Variants in ATG7 observed in about 807,000 individuals in gnomAD.
ATG7 encodes autophagy related 7.
ATG7 carries 70 observed loss-of-function variants against 82.4 expected under a neutral mutation model. That is an observed-to-expected ratio of 0.85 (90% CI 0.70 to 1.04). ATG7 has a LOEUF of 1.04. ATG7 is among the 50% of genes least tolerant of loss of function. ATG7 has a pLI of 0.00. For synonymous variants in ATG7, 287 were observed against 313.0 expected, an observed-to-expected ratio of 0.92 and a Z score of 0.88; for missense variants, 792 against 864.3, an observed-to-expected ratio of 0.92 and a Z score of 1.05.
chr3:11,525,193 G>A (rs1224812525), intron 20 of ATG7, among the ~76,000 whole-genome samples: 1 of 151,240 alleles, frequency 6.6e-6, no homozygotes, highest in Non-Finnish European at 1.5e-5. Context: ...ACCACACCCA[G>A]CTAATTTTTT....
At chr3:11,517,346 AAAAAAG>A (rs1199212543) in intron 20 of ATG7, among the ~76,000 whole-genome samples, 25 of 149,332 alleles carry the variant, frequency 1.7e-4, no homozygotes, top group African/African-American at 4.6e-4. Context: ...CCTCAAAAAA[AAAAAAG>A]AAAAGAAAAG....
At chr3:11,334,834 T>C (rs958833168) in intron 11 of ATG7, among the ~76,000 whole-genome samples, 31 of 151,546 alleles carry the variant, frequency 2.0e-4, no homozygotes, top group Admixed American at 5.3e-4. Context: ...GGCGGGCGTC[T>C]GTAATCCCAG....
chr3:11,375,826 G>A (rs2077378319), intron 18 of ATG7, among the ~76,000 whole-genome samples: 1 of 152,214 alleles, frequency 6.6e-6, no homozygotes, highest in African/African-American at 2.4e-5. Context: ...CCAAAGTGCT[G>A]GGATTCAGGC....
chr3:11,546,503 C>T (rs776423577), intron 20 of ATG7, among the ~76,000 whole-genome samples: 17 of 152,140 alleles, frequency 1.1e-4, no homozygotes, highest in Non-Finnish European at 1.8e-4. Flanking sequence ...AACAAATGAA[C>T]GCTTTTAACG....
At chr3:11,523,867 C>A (rs1279304529) in intron 20 of ATG7, among the ~76,000 whole-genome samples, 1 of 152,136 alleles carries the variant, frequency 6.6e-6, no homozygotes, top group Non-Finnish European at 1.5e-5. Flanking sequence ...GGAAAGCGGA[C>A]CTGGACTGGA....
chr3:11,378,843 T>C (rs1305463018), intron 18 of ATG7, among the ~76,000 whole-genome samples: 10 of 151,908 alleles, frequency 6.6e-5, no homozygotes. Context: ...TTTAAATAGT[T>C]TGTCAAATTG....
the ATG7 span, among the ~76,000 whole-genome samples, chr3:11,569,763 T>A: frequency 6.6e-6 from 1 of 152,138 alleles, no homozygotes; most frequent in Non-Finnish European, 1.5e-5. Context: ...GCACCTGTGG[T>A]CCCAGCTACT....
At chr3:11,564,406 C>CCG in the ATG7 span, among the ~76,000 whole-genome samples, 1 of 11,338 alleles carries the variant, frequency 8.8e-5, no homozygotes, top group Admixed American at 1.3e-3. Flanking sequence ...AAACGTAGGA[C>CCG]CCCCCCACCC....
At chr3:11,421,675 G>A (rs567817565) in intron 19 of ATG7, among the ~76,000 whole-genome samples, 8 of 152,234 alleles carry the variant, frequency 5.3e-5, no homozygotes, top group South Asian at 4.2e-4. Flanking sequence ...ACGAATACTC[G>A]TATCTAGAAT....
intron 19 of ATG7, among the ~76,000 whole-genome samples, chr3:11,405,929 A>G (rs954271720): frequency 1.3e-5 from 2 of 152,076 alleles, no homozygotes; most frequent in Non-Finnish European, 2.9e-5. Flanking sequence ...GCACCTGGCC[A>G]TGTGTAGCAT....
intron 12 of ATG7, 23 bp from the exon 13 acceptor site, chr3:11,342,112 T>G: frequency 6.3e-7 from 1 of 1,599,730 alleles, no homozygotes; most frequent in Non-Finnish European, 8.5e-7. Flanking sequence ...AGTGACTGAA[T>G]AAGTAAATCT....
In ATG7 at chr3:11,452,960, G is replaced by A. The variant is rs144329287; in HGVS notation, c.2079+26034G>A. Among the ~76,000 whole-genome samples the A allele has an allele frequency of 4.8e-3, 738 of 152,224 alleles. 6 individuals carry two copies. Among genetic ancestry groups the A allele is most frequent in the African/African-American group, 0.017 (707 of 41,536 alleles). ...AGTGCACGATTCCGTGGGCTGTAGC[G>A]AGCACAGTAGCAGTCCATTGGGCCC... On this transcript the variant is annotated intron_variant, in intron 20 of 20. Coordinates refer to ENST00000693202, the MANE Select transcript of ATG7 (RefSeq NM_001349232.2).
At chr3:11,287,356 A>G (rs936836337) in intron 3 of ATG7, among the ~76,000 whole-genome samples, 1 of 152,196 alleles carries the variant, frequency 6.6e-6, no homozygotes, top group African/African-American at 2.4e-5. Context: ...TGCTCTGTGA[A>G]TGCCAGGCAG....
In ATG7 at chr3:11,309,062, G is replaced by A. The variant is rs1168083997; in HGVS notation, c.411+1G>A. ...CAAGTTCCTCCTCTTGACATTTGCA[G>A]TAAGTAAATGGGCTCTCGGTTGCAC... On this transcript the variant is annotated splice_donor_variant, in intron 7 of 20. Transcript: ENST00000693202. LOFTEE classifies it high-confidence loss of function. The A allele has an allele frequency of 2.5e-6, 4 of 1,612,042 alleles. No homozygotes were observed. Among genetic ancestry groups the A allele is most frequent in the Middle Eastern group, 3.3e-4 (2 of 6,058 alleles).
At chr3:11,573,300 A>AAGG in the ATG7 span, among the ~76,000 whole-genome samples, 11 of 9,546 alleles carry the variant, frequency 1.2e-3, no homozygotes, top group South Asian at 5.3e-3. Context: ...AGAAAGAAAG[A>AAGG]AAGAAAGGAA....
chr3:11,290,609 CT>C, intron 3 of ATG7: 1 of 321,796 alleles, frequency 3.1e-6, no homozygotes, highest in Non-Finnish European at 6.1e-6. Context: ...GGTAGGCAGA[CT>C]TTATTTTAGG....
intron 19 of ATG7, among the ~76,000 whole-genome samples, chr3:11,395,864 G>T (rs1034280991): frequency 6.8e-6 from 1 of 146,562 alleles, no homozygotes; most frequent in African/African-American, 2.5e-5. Context: ...GGCGTGAACC[G>T]AGGAGGCGGA....
At chr3:11,509,971 T>C (rs2091962829) in intron 20 of ATG7, among the ~76,000 whole-genome samples, 1 of 152,206 alleles carries the variant, frequency 6.6e-6, no homozygotes, top group Non-Finnish European at 1.5e-5. Context: ...GCTATTTTTA[T>C]CAGGGAAGCT....
At chr3:11,331,559 T>TAATCAATAAATCAGTCATAACCCA in intron 10 of ATG7, 131 bp downstream of exon 10, 1 of 811,348 alleles carries the variant, frequency 1.2e-6, no homozygotes, top group Non-Finnish European at 2.0e-6. Context: ...GGAAACCAGG[T>TAATCAATAAATCAGTCATAACCCA]AATCAATAAA....
Sources: gnomAD v4.1 joint callset for allele counts (sites outside exome capture counted in the v4.1 genomes callset) on GRCh38, gnomAD v4.1.1 for gene constraint, MANE v1.5 for transcripts, NCBI Gene and HGNC (gene_info 2026-07-23, HGNC 2026-07-21) for gene names.